The following MYBL1 variants were observed in gnomAD, a reference collection of about 807,000 sequenced individuals.
The protein encoded by MYBL1 is MYB proto-oncogene like 1.
A neutral mutation model predicts 96.3 loss-of-function variants in MYBL1; 17 were observed. The observed-to-expected ratio is 0.18, with a 90% CI of 0.12 to 0.26. MYBL1 has a LOEUF of 0.26. Ranked by LOEUF, MYBL1 falls within the 10% of genes least tolerant of loss-of-function variation. The pLI, the probability that MYBL1 is intolerant of heterozygous loss-of-function variation, is 1.00. For missense variants in MYBL1, 701 were observed against 882.9 expected, an observed-to-expected ratio of 0.79 and a Z score of 2.61; for synonymous variants, 282 against 292.7, an observed-to-expected ratio of 0.96 and a Z score of 0.37.
intron 12 of MYBL1, 21 bp from the exon 13 acceptor site, chr8:66,567,013 T>C: frequency 6.5e-7 from 1 of 1,532,296 alleles, no homozygotes. Flanking sequence ...TTTTAAAATG[T>C]TGTAAAAAGT....
intron 6 of MYBL1, among the ~76,000 whole-genome samples, chr8:66,595,154 C>A (rs1190745455): frequency 6.6e-6 from 1 of 152,120 alleles, no homozygotes; most frequent in Non-Finnish European, 1.5e-5. Context: ...TGAATGCCAG[C>A]AAAATCCAAT....
chr8:66,582,541 CAAAAAAAAAAAAA>C (rs34952299), intron 8 of MYBL1, among the ~76,000 whole-genome samples: 4 of 48,268 alleles, frequency 8.3e-5, no homozygotes, highest in African/African-American at 8.1e-5. Context: ...TCCATCTCTA[CAAAAAAAAAAAAA>C]AAAAAAAAAA....
At chr8:66,605,261 A>T (rs1359909306) in intron 1 of MYBL1, among the ~76,000 whole-genome samples, 1 of 152,204 alleles carries the variant, frequency 6.6e-6, no homozygotes, top group Non-Finnish European at 1.5e-5. Context: ...AGAGCTCAAT[A>T]GCCACATGTG....
chr8:66,579,140 T>G (rs1417713440), intron 9 of MYBL1, among the ~76,000 whole-genome samples: 3 of 151,502 alleles, frequency 2.0e-5, no homozygotes, highest in African/African-American at 7.3e-5. Context: ...AAATGACGAG[T>G]TAATGGGTGC....
Position 66,612,897 on chromosome 8 carries a change from T to G in MYBL1, c.-59A>C. ...GGACGCGGGTCAGCCTCCTCCAGCC[T>G]CCGGCGAATGCTCCTTCTCCCCGAT... On this transcript the variant is annotated 5_prime_UTR_variant, in exon 1 of 16. Coordinates refer to ENST00000522677, the MANE Select transcript of MYBL1 (RefSeq NM_001080416.4). 2 of 1,327,146 alleles carry G rather than the reference T, an allele frequency of 1.5e-6. No homozygotes were observed. The highest frequency in any genetic ancestry group is 1.9e-6 in the Non-Finnish European group (2 of 1,027,740). The allele number at this position is 1,327,146 out of a possible 1,614,324, so 82.2% of individuals were successfully genotyped here.
intron 1 of MYBL1, among the ~76,000 whole-genome samples, chr8:66,604,137 C>T (rs184089493): frequency 6.6e-6 from 1 of 152,120 alleles, no homozygotes; most frequent in Non-Finnish European, 1.5e-5. Flanking sequence ...AAAAGACCCA[C>T]ATGGAATTTG....
In MYBL1 at chr8:66,581,966, C is replaced by T. The variant is rs557941851; in HGVS notation, c.868-1600G>A. Reference sequence around the variant, plus strand: ...AAGAAGTGCTCAAAAAAGTCCTATACCTGAAAGCAAAAAGATAACAGACAC... The same window carrying T: ...AAGAAGTGCTCAAAAAAGTCCTATATCTGAAAGCAAAAAGATAACAGACAC... On this transcript the variant is annotated intron_variant, in intron 8 of 15. Transcript: ENST00000522677. Among the ~76,000 whole-genome samples the T allele has an allele frequency of 5.9e-5, 9 of 152,078 alleles. No individual in the cohort carries two copies. The South Asian group carries it at 1.2e-3, about 21-fold the overall frequency.
Position 66,563,967 on chromosome 8 carries a change from A to G in MYBL1, c.*730T>C, listed in dbSNP as rs1459186559. 1 of 152,576 alleles carries G rather than the reference A, an allele frequency of 6.6e-6. No homozygotes were observed. Among genetic ancestry groups the G allele is most frequent in the East Asian group, 1.9e-4 (1 of 5,188 alleles). 9.5% of individuals were successfully genotyped at this position (152,576 alleles called of 1,614,324 possible). ...CATTTAAGCTTTAAAAATAAAAATA[A>G]ATTATAAAAACAGACTTCTTTCCAA... On this transcript the variant is annotated 3_prime_UTR_variant, in exon 16 of 16. Coordinates refer to ENST00000522677, the MANE Select transcript of MYBL1 (RefSeq NM_001080416.4).
intron 1 of MYBL1, among the ~76,000 whole-genome samples, chr8:66,607,262 G>A (rs902900083): frequency 2.0e-5 from 3 of 152,074 alleles, no homozygotes; most frequent in African/African-American, 7.2e-5. Context: ...AGGGTCCAAT[G>A]ACTTCATAAA....
At chr8:66,601,962 T>C (rs1017673489) in intron 2 of MYBL1, among the ~76,000 whole-genome samples, 193 bp from the exon 3 acceptor site, 3 of 152,238 alleles carry the variant, frequency 2.0e-5, no homozygotes, top group Non-Finnish European at 4.4e-5. Context: ...TATTCATGTC[T>C]CTGGTTGAAG....
At chr8:66,573,913 A>G (rs1156650879) in intron 10 of MYBL1, among the ~76,000 whole-genome samples, 1 of 152,218 alleles carries the variant, frequency 6.6e-6, no homozygotes. Context: ...TTATTAATAA[A>G]TGACCTTAAG....
intron 8 of MYBL1, 36 bp downstream of exon 8, chr8:66,592,403 AG>A (rs750453688): frequency 1.6e-5 from 22 of 1,347,730 alleles, no homozygotes; most frequent in Non-Finnish European, 2.1e-5. Context: ...CATATATGAA[AG>A]ATTCTAACAA....
At chr8:66,571,063 T>C (rs1808709853) in intron 12 of MYBL1, among the ~76,000 whole-genome samples, 1 of 152,156 alleles carries the variant, frequency 6.6e-6, no homozygotes, top group Non-Finnish European at 1.5e-5. Context: ...AAACTAGAAT[T>C]TGTTAATGAA....
intron 12 of MYBL1, among the ~76,000 whole-genome samples, chr8:66,569,155 G>A (rs1808630715): frequency 6.6e-6 from 1 of 151,988 alleles, no homozygotes; most frequent in South Asian, 2.1e-4. Context: ...CTCTCTATAC[G>A]TCCACATGTT....
chr8:66,569,420 G>C (rs904803440), intron 12 of MYBL1, among the ~76,000 whole-genome samples: 2 of 150,498 alleles, frequency 1.3e-5, no homozygotes, highest in Non-Finnish European at 2.9e-5. Context: ...TATAATATCA[G>C]CTCACTGCAA....
chr8:66,606,058 T>C (rs1260177818), intron 1 of MYBL1, among the ~76,000 whole-genome samples: 2 of 152,272 alleles, frequency 1.3e-5, no homozygotes, highest in Non-Finnish European at 2.9e-5. Context: ...TTAACCGCTA[T>C]ACTACGACAT....
At chr8:66,570,575 C>T (rs986735067) in intron 12 of MYBL1, among the ~76,000 whole-genome samples, 7 of 152,188 alleles carry the variant, frequency 4.6e-5, no homozygotes, top group Admixed American at 1.3e-4. Flanking sequence ...GTCTACATGA[C>T]CCTATGAAGG....
intron 9 of MYBL1, among the ~76,000 whole-genome samples, chr8:66,577,833 A>G (rs1809027862): frequency 6.6e-6 from 1 of 152,240 alleles, no homozygotes; most frequent in South Asian, 2.1e-4. Context: ...AAACTATACT[A>G]CAAGGCTACA....
At position 66,613,196 on chromosome 8, in the gene MYBL1, T is replaced by TC. The variant is rs1384607403; in HGVS notation, c.-359dup. ...CCACAGGCGCCCGACCCCTGCCCTC[T>TC]CCCCCGCAGCTAGCAGTTCTGCAGG... On this transcript the variant is annotated 5_prime_UTR_variant, in exon 1 of 16. Coordinates refer to ENST00000522677, the MANE Select transcript of MYBL1 (RefSeq NM_001080416.4). 1.2e-5 allele frequency: 5 copies of TC among 400,164 alleles called. No homozygotes were observed. The highest frequency in any genetic ancestry group is 8.2e-5 in the African/African-American group (4 of 48,738). 24.8% of individuals were successfully genotyped at this position (400,164 alleles called of 1,614,324 possible).
Sources: gnomAD v4.1 joint callset for allele counts (sites outside exome capture counted in the v4.1 genomes callset) on GRCh38, gnomAD v4.1.1 for gene constraint, MANE v1.5 for transcripts, NCBI Gene and HGNC (gene_info 2026-07-23, HGNC 2026-07-21) for gene names.